The following AGBL1 variants were observed in gnomAD, a reference collection of about 807,000 sequenced individuals.
The protein encoded by AGBL1 is cytosolic carboxypeptidase 4.
Under a neutral mutation model 118.9 loss-of-function variants are expected in AGBL1, and 130 were observed. That is an observed-to-expected ratio of 1.09 (90% CI 0.95 to 1.26). AGBL1 has a LOEUF of 1.26. AGBL1 is among the 50% of genes most tolerant of loss of function. The pLI, the probability that AGBL1 is intolerant of heterozygous loss-of-function variation, is 0.00. For missense variants in AGBL1, 1,584 were observed against 1,298.1 expected, an observed-to-expected ratio of 1.22 and a Z score of -3.38; for synonymous variants, 555 against 478.9, an observed-to-expected ratio of 1.16 and a Z score of -2.08.
chr15:86,665,818 C>A (rs1044429723), intron 21 of AGBL1, among the ~76,000 whole-genome samples: 1 of 151,500 alleles, frequency 6.6e-6, no homozygotes, highest in African/African-American at 2.4e-5. Context: ...TAACCAACTG[C>A]TTTTGAGTTT....
At chr15:86,800,093 T>C (rs1596492666) in intron 22 of AGBL1, among the ~76,000 whole-genome samples, 1 of 152,224 alleles carries the variant, frequency 6.6e-6, no homozygotes, top group East Asian at 1.9e-4. Flanking sequence ...TGTTTACTAA[T>C]AAGTAATGGC....
chr15:86,552,325 T>A (rs2346729), intron 20 of AGBL1, among the ~76,000 whole-genome samples: 90,940 of 151,484 alleles, frequency 0.6, 28,030 homozygotes, highest in East Asian at 0.89. Flanking sequence ...TTATTTTTTT[T>A]AAAAAAGAGA....
At chr15:86,152,731 C>G (rs1157890326) in intron 3 of AGBL1, among the ~76,000 whole-genome samples, 1 of 152,134 alleles carries the variant, frequency 6.6e-6, no homozygotes, top group Non-Finnish European at 1.5e-5. Context: ...AACAGGCATC[C>G]TACAGAATGG....
intron 23 of AGBL1, among the ~76,000 whole-genome samples, chr15:86,984,385 G>C (rs538812217): frequency 7.1e-6 from 1 of 141,198 alleles, no homozygotes; most frequent in African/African-American, 2.6e-5. Flanking sequence ...TTTTCCTGGA[G>C]ACAGAGTTTC....
intron 17 of AGBL1, among the ~76,000 whole-genome samples, chr15:86,301,660 G>C (rs990838512): frequency 1.3e-5 from 2 of 148,666 alleles, no homozygotes; most frequent in Non-Finnish European, 3.0e-5. Flanking sequence ...GTGTGTGTGT[G>C]TGTGTGTGTG....
chr15:86,980,885 C>CTTTTTTTTT (rs36077192), intron 23 of AGBL1, among the ~76,000 whole-genome samples: 1,210 of 118,916 alleles, frequency 0.01, 28 homozygotes, highest in Non-Finnish European at 0.012. Context: ...CAGAAACATC[C>CTTTTTTTTT]TTTTTTTTTT....
chr15:86,201,620 A>C (rs958193895), intron 5 of AGBL1, among the ~76,000 whole-genome samples: 1 of 152,210 alleles, frequency 6.6e-6, no homozygotes, highest in Non-Finnish European at 1.5e-5. Flanking sequence ...AGGTGATAGC[A>C]GCTAGCATTT....
chr15:86,275,759 G>A (rs541477825), intron 15 of AGBL1, among the ~76,000 whole-genome samples: 1 of 152,272 alleles, frequency 6.6e-6, no homozygotes, highest in South Asian at 2.1e-4. Context: ...GACCCCAGAT[G>A]ACCAATAGGA....
chr15:86,173,729 T>A (rs1340464011), intron 5 of AGBL1, among the ~76,000 whole-genome samples: 6 of 152,044 alleles, frequency 3.9e-5, no homozygotes, highest in Non-Finnish European at 7.4e-5. Flanking sequence ...TTGTTGGTGC[T>A]TTTTTCAAAA....
At chr15:86,535,313 C>A (rs189639141) in intron 19 of AGBL1, among the ~76,000 whole-genome samples, 1 of 152,324 alleles carries the variant, frequency 6.6e-6, no homozygotes, top group African/African-American at 2.4e-5. Context: ...GGAGCTCCCT[C>A]TAAAAGCCAA....
At chr15:86,896,524 T>C (rs1452154530) in intron 22 of AGBL1, among the ~76,000 whole-genome samples, 1 of 152,176 alleles carries the variant, frequency 6.6e-6, no homozygotes, top group Admixed American at 6.5e-5. Context: ...CTGTGTAATC[T>C]ATGATTTCTA....
At chr15:86,741,782 T>A (rs375810398) in intron 22 of AGBL1, among the ~76,000 whole-genome samples, 2 of 151,596 alleles carry the variant, frequency 1.3e-5, no homozygotes, top group African/African-American at 2.4e-5. Context: ...ATTTTTTTTT[T>A]AACCTCTCCT....
At chr15:86,272,095 G>C (rs187676940) in intron 15 of AGBL1, among the ~76,000 whole-genome samples, 1 of 152,112 alleles carries the variant, frequency 6.6e-6, no homozygotes, top group Admixed American at 6.5e-5. Context: ...TATCCACCCC[G>C]TGGTTTAGTT....
intron 24 of AGBL1, among the ~76,000 whole-genome samples, chr15:87,000,388 T>G (rs1446499435): frequency 7.5e-6 from 1 of 132,470 alleles, no homozygotes; most frequent in Non-Finnish European, 1.6e-5. Context: ...TTAATCCATC[T>G]TCAATTGATT....
At chr15:86,472,842 C>A (rs2082496988) in intron 18 of AGBL1, among the ~76,000 whole-genome samples, 1 of 152,164 alleles carries the variant, frequency 6.6e-6, no homozygotes, top group East Asian at 1.9e-4. Flanking sequence ...TTGCTTGAGC[C>A]CAAAAGGCAA....
At chr15:86,626,276 A>C (rs2346721) in intron 21 of AGBL1, among the ~76,000 whole-genome samples, 68,055 of 152,004 alleles carry the variant, frequency 0.45, 15,594 homozygotes, top group Middle Eastern at 0.57. Context: ...ATCAACGATA[A>C]ACTGGATAAA....
intron 18 of AGBL1, among the ~76,000 whole-genome samples, chr15:86,476,757 C>A (rs2082564798): frequency 1.3e-5 from 2 of 152,214 alleles, no homozygotes; most frequent in South Asian, 2.1e-4. Flanking sequence ...GAACTCTCCA[C>A]CCCAAATCAA....
chr15:86,699,681 G>GT (rs1203073576), intron 22 of AGBL1, among the ~76,000 whole-genome samples: 2 of 152,028 alleles, frequency 1.3e-5, no homozygotes, highest in Non-Finnish European at 2.9e-5. Flanking sequence ...CAGGGACGGT[G>GT]TTTTTGTCTT....
chr15:86,700,376 C>A (rs967668345), intron 22 of AGBL1, among the ~76,000 whole-genome samples: 7 of 151,734 alleles, frequency 4.6e-5, no homozygotes, highest in African/African-American at 1.7e-4. Context: ...TCTAGAATCA[C>A]CCATTTTTAA....
Sources: allele counts gnomAD v4.1 joint callset (sites outside exome capture counted in the v4.1 genomes callset), GRCh38; gene constraint gnomAD v4.1.1; transcripts MANE v1.5; gene names NCBI Gene and HGNC (gene_info 2026-07-23, HGNC 2026-07-21).